The following NFIC variants were observed in gnomAD, a reference collection of about 807,000 sequenced individuals.
NFIC encodes nuclear factor I C.
In NFIC, 12 loss-of-function variants were observed where a neutral mutation model predicts 54.4. The observed-to-expected ratio is 0.22, with a 90% CI of 0.14 to 0.36. The LOEUF is 0.36. Ranked by LOEUF, NFIC falls within the 10% of genes least tolerant of loss-of-function variation. The pLI, the probability that NFIC is intolerant of heterozygous loss-of-function variation, is 1.00. For missense variants in NFIC, 575 were observed against 718.2 expected, an observed-to-expected ratio of 0.80 and a Z score of 2.28; for synonymous variants, 322 against 319.2, an observed-to-expected ratio of 1.01 and a Z score of -0.09.
At chr19:3,377,333 CAAAAAAAAA>C (rs71164684) in intron 1 of NFIC, among the ~76,000 whole-genome samples, 1 of 57,862 alleles carries the variant, frequency 1.7e-5, no homozygotes, top group East Asian at 6.6e-4. Flanking sequence ...GACTCTGTCT[CAAAAAAAAA>C]AAAAAAAAAA....
chr19:3,415,408 C>T (rs780944035), intron 2 of NFIC, among the ~76,000 whole-genome samples: 13 of 151,800 alleles, frequency 8.6e-5, no homozygotes, highest in Non-Finnish European at 1.8e-4. Flanking sequence ...GGTGTGAGCT[C>T]TACTGCGCCC....
rs777772012 is a variant in NFIC at position 3,433,582 on chromosome 19, A to G, written c.699A>G (p.Gln233=). The G allele has an allele frequency of 6.8e-6, 11 of 1,613,756 alleles. No individual in the cohort carries two copies. The highest frequency in any genetic ancestry group is 8.5e-6 in the Non-Finnish European group (10 of 1,179,760). ...SGVFSVTELI[Q]VSRTPVVTGT... The stretch of plus-strand genomic sequence containing the variant: ...TGTTCAGCGTCACTGAGCTCATCCA[A>G]GTGTCCCGGAGTGAGTGTTCCCGTC... The change falls in exon 4 of 11, where the codon CAA becomes CAG. Residue 233 remains glutamine, a synonymous_variant. Transcript: ENST00000443272.
chr19:3,429,246 AAAT>A lies in NFIC; in HGVS notation c.634+4071_634+4073del, dbSNP rs1263701250. On this transcript the variant is annotated intron_variant, in intron 3 of 10. Coordinates refer to ENST00000443272, the MANE Select transcript of NFIC (RefSeq NM_001245002.2). ...ATCTCTACCCCAAAAAAAAAAAAAA[AAAT>A]ATATACACACACACACACACACACA... is the stretch of plus-strand genomic sequence containing the variant. Among the ~76,000 whole-genome samples the A allele has an allele frequency of 1.5e-4, 10 of 67,300 alleles. 2 individuals carry two copies. The highest frequency in any genetic ancestry group is 6.1e-4 in the African/African-American group (9 of 14,644). The allele number at this position is 67,300 out of a possible 152,430, so 44.2% of individuals were successfully genotyped here.
chr19:3,408,921 G>A (rs927859120), intron 2 of NFIC, among the ~76,000 whole-genome samples: 5 of 152,042 alleles, frequency 3.3e-5, no homozygotes, highest in African/African-American at 1.2e-4. Context: ...TTGTAGAGAT[G>A]GGGTCTTGCT....
chr19:3,408,328 C>T (rs2081690479), intron 2 of NFIC, among the ~76,000 whole-genome samples: 1 of 152,192 alleles, frequency 6.6e-6, no homozygotes, highest in South Asian at 2.1e-4. Flanking sequence ...CCACTCCGTG[C>T]AATGCTGGGC....
At position 3,461,576 on chromosome 19, in the gene NFIC, A is replaced by G. The variant is rs187870318; in HGVS notation, c.1510-1176A>G. Among the ~76,000 whole-genome samples the G allele has an allele frequency of 3.3e-3, 496 of 152,006 alleles. 3 individuals are homozygous for G. The highest frequency in any genetic ancestry group is 3.4e-3 in the Middle Eastern group (1 of 294). ...GGTCTCTACTAAGAATACAAAAATTAGCTGGGTGTGGTGGGGCGGGCCTGT... is the reference window on the plus strand; with the variant it reads ...GGTCTCTACTAAGAATACAAAAATTGGCTGGGTGTGGTGGGGCGGGCCTGT... On this transcript the variant is annotated intron_variant, in intron 10 of 10. Transcript: ENST00000443272.
chr19:3,375,427 C>G lies in NFIC; in HGVS notation c.31-6285C>G, dbSNP rs2081088848. Among the ~76,000 whole-genome samples the G allele has an allele frequency of 6.6e-6, 1 of 152,250 alleles. No individual in the cohort carries two copies. The highest frequency in any genetic ancestry group is 1.5e-5 in the Non-Finnish European group (1 of 68,044). ...GACCATCTGGGCTCTGGTCCCAGCTCTGCTGACCGGCTGTGTGACCCTGGA... is the reference window on the plus strand; with the variant it reads ...GACCATCTGGGCTCTGGTCCCAGCTGTGCTGACCGGCTGTGTGACCCTGGA... On this transcript the variant is annotated intron_variant, in intron 1 of 10. Transcript: ENST00000443272. The surrounding 1 kb of genome is among the most constrained non-coding windows in gnomAD (Gnocchi z 4.6).
chr19:3,373,619 C>G (rs1000337442), intron 1 of NFIC, among the ~76,000 whole-genome samples: 10 of 99,548 alleles, frequency 1.0e-4, no homozygotes, highest in South Asian at 9.3e-4. Flanking sequence ...CTTCCTGGAC[C>G]CCCCCCCCAA....
At position 3,375,986 on chromosome 19, in the gene NFIC, G is replaced by A. The variant is rs954125293; in HGVS notation, c.31-5726G>A. ...ACCCGTGGCCTTCCAGGGGGTCAGG[G>A]CCCTGATTCTTATCCTCACACCGGC... On this transcript the variant is annotated intron_variant, in intron 1 of 10. Coordinates refer to ENST00000443272, the MANE Select transcript of NFIC (RefSeq NM_001245002.2). This position sits in a 1 kb window ranked among gnomAD's most constrained non-coding sequence, Gnocchi z 4.6. Among the ~76,000 whole-genome samples, 7 of 152,048 alleles carry A rather than the reference G, an allele frequency of 4.6e-5. No homozygotes were observed. Among genetic ancestry groups the A allele is most frequent in the African/African-American group, 1.7e-4 (7 of 41,400 alleles).
chr19:3,401,444 G>A (rs546748218), intron 2 of NFIC, among the ~76,000 whole-genome samples: 2 of 152,290 alleles, frequency 1.3e-5, no homozygotes, highest in East Asian at 1.9e-4. Flanking sequence ...ACGGTGTGAG[G>A]ATTCAGTTGC....
chr19:3,405,096 A>C (rs1450226969), intron 2 of NFIC, among the ~76,000 whole-genome samples: 1 of 152,228 alleles, frequency 6.6e-6, no homozygotes, highest in Non-Finnish European at 1.5e-5. Flanking sequence ...GAAAAAAGAA[A>C]CTTTTCTTTG....
chr19:3,427,051 C>G (rs1432709872), intron 3 of NFIC, among the ~76,000 whole-genome samples: 1 of 151,912 alleles, frequency 6.6e-6, no homozygotes, highest in East Asian at 1.9e-4. Context: ...CTCAGCCTCC[C>G]GAGTAGCTGG....
chr19:3,419,473 C>G (rs377384523), intron 2 of NFIC, among the ~76,000 whole-genome samples: 19 of 151,840 alleles, frequency 1.3e-4, no homozygotes, highest in East Asian at 1.2e-3. Context: ...GACCCTGTCT[C>G]AAAAACAAAA....
At chr19:3,445,959 G>A (rs551484725) in intron 6 of NFIC, among the ~76,000 whole-genome samples, 161 of 152,308 alleles carry the variant, frequency 1.1e-3, no homozygotes, top group African/African-American at 3.6e-3. Context: ...ACTGAGGGGC[G>A]CTCTTGGCAC....
chr19:3,426,223 G>A (rs373470714), intron 3 of NFIC, among the ~76,000 whole-genome samples: 24 of 151,598 alleles, frequency 1.6e-4, no homozygotes, highest in African/African-American at 5.3e-4. Flanking sequence ...ATGAGCCACC[G>A]CGCCTGGCTT....
rs68113510 is a variant in NFIC, at chr19:3,450,356, A to AAAG, written c.1084+1218_1084+1219insAGA. Among the ~76,000 whole-genome samples the AAAG allele has an allele frequency of 5.6e-4, 82 of 146,472 alleles. 2 individuals carry two copies. The highest frequency in any genetic ancestry group is 5.1e-4 in the African/African-American group (20 of 39,546). ...CGAGACTCCATCTCAAAAAAAAAAA[A>AAAG]AGAGACATCTCCATCTCGGCCAGGC... is the stretch of plus-strand genomic sequence containing the variant. On this transcript the variant is annotated intron_variant, in intron 7 of 10. Coordinates refer to ENST00000443272, the MANE Select transcript of NFIC (RefSeq NM_001245002.2).
At chr19:3,450,408 C>G (rs1193852926) in intron 7 of NFIC, among the ~76,000 whole-genome samples, 5 of 150,048 alleles carry the variant, frequency 3.3e-5, no homozygotes, top group Non-Finnish European at 7.4e-5. Flanking sequence ...GTAATCCCAG[C>G]ACTTTGGGAG....
intron 2 of NFIC, among the ~76,000 whole-genome samples, chr19:3,394,154 A>G (rs2081420163): frequency 6.6e-6 from 1 of 151,942 alleles, no homozygotes; most frequent in African/African-American, 2.4e-5. Flanking sequence ...CTGGAATGAT[A>G]CTATTGCAAT....
At chr19:3,373,237 C>T (rs572812319) in intron 1 of NFIC, among the ~76,000 whole-genome samples, 1 of 152,362 alleles carries the variant, frequency 6.6e-6, no homozygotes, top group African/African-American at 2.4e-5. Context: ...CTCCTGGCCC[C>T]TCTGGCTCAG....
Sources: allele counts gnomAD v4.1 joint callset (sites outside exome capture counted in the v4.1 genomes callset), GRCh38; gene constraint gnomAD v4.1.1; non-coding constraint Gnocchi (gnomAD v3.1); transcripts MANE v1.5; gene names NCBI Gene and HGNC (gene_info 2026-07-23, HGNC 2026-07-21).